SAMD12: variants seen among roughly 807,000 people sequenced by gnomAD.
SAMD12 encodes sterile alpha motif domain containing 12.
SAMD12 carries 9 observed loss-of-function variants against 15.0 expected under a neutral mutation model. The observed-to-expected ratio is 0.60, with a 90% CI of 0.36 to 1.05. The LOEUF is 1.05. Among genes scored for constraint, SAMD12 ranks in the 50% least tolerant of loss-of-function variants. SAMD12 has a pLI of 0.01. For synonymous variants in SAMD12, 86 were observed against 90.1 expected, an observed-to-expected ratio of 0.96 and a Z score of 0.25; for missense variants, 230 against 234.2, an observed-to-expected ratio of 0.98 and a Z score of 0.12.
At chr8:118,455,459 C>T (rs1823218364) in intron 2 of SAMD12, among the ~76,000 whole-genome samples, 2 of 152,176 alleles carry the variant, frequency 1.3e-5, no homozygotes, top group South Asian at 4.1e-4. Flanking sequence ...CTTTGTCCCA[C>T]CTTCCTCTTT....
chr8:118,360,554 A>G (rs1033941554), intron 4 of SAMD12, among the ~76,000 whole-genome samples: 2 of 152,198 alleles, frequency 1.3e-5, no homozygotes, highest in Non-Finnish European at 2.9e-5. Flanking sequence ...AACAAACAAA[A>G]CAAAACACAA....
At chr8:118,325,154 G>C (rs546017409) in intron 4 of SAMD12, among the ~76,000 whole-genome samples, 1 of 152,196 alleles carries the variant, frequency 6.6e-6, no homozygotes, top group South Asian at 2.1e-4. Flanking sequence ...TTAGTCTCGT[G>C]AGCCCAAGCT....
At chr8:118,456,194 C>T (rs1823245270) in intron 2 of SAMD12, among the ~76,000 whole-genome samples, 1 of 152,350 alleles carries the variant, frequency 6.6e-6, no homozygotes, top group African/African-American at 2.4e-5. Context: ...GTTCCTCTAA[C>T]ATATACAGCC....
the SAMD12 span, among the ~76,000 whole-genome samples, chr8:118,144,559 T>C: frequency 6.6e-6 from 1 of 152,026 alleles, no homozygotes; most frequent in African/African-American, 2.4e-5. Context: ...AAAATGAGTT[T>C]TAATTTTATT....
intron 4 of SAMD12, among the ~76,000 whole-genome samples, chr8:118,242,760 G>A (rs1314262058): frequency 6.6e-6 from 1 of 152,040 alleles, no homozygotes; most frequent in Non-Finnish European, 1.5e-5. Context: ...ATTTAAACAG[G>A]TTTCTCTCAA....
chr8:118,571,699 G>A (rs1827015673), intron 2 of SAMD12, among the ~76,000 whole-genome samples: 1 of 152,178 alleles, frequency 6.6e-6, no homozygotes, highest in African/African-American at 2.4e-5. Context: ...GCTTCCATTT[G>A]GTTTAGAGCC....
At chr8:118,139,822 G>C in the SAMD12 span, among the ~76,000 whole-genome samples, 200 of 152,130 alleles carry the variant, frequency 1.3e-3, no homozygotes, top group Non-Finnish European at 2.1e-3. Context: ...CCCATTTTCC[G>C]TTGGCTCTCA....
intron 4 of SAMD12, among the ~76,000 whole-genome samples, chr8:118,280,656 G>A (rs940125100): frequency 6.6e-6 from 1 of 152,114 alleles, no homozygotes; most frequent in Non-Finnish European, 1.5e-5. Flanking sequence ...CAGCAAAAGG[G>A]AAGGAGAAAA....
chr8:118,326,693 A>T (rs1816580348), intron 4 of SAMD12, among the ~76,000 whole-genome samples: 1 of 152,086 alleles, frequency 6.6e-6, no homozygotes, highest in South Asian at 2.1e-4. Context: ...ATCCTGCAGG[A>T]CCCACATATG....
intron 2 of SAMD12, among the ~76,000 whole-genome samples, chr8:118,458,833 T>C (rs1166559879): frequency 1.3e-5 from 2 of 152,340 alleles, no homozygotes; most frequent in African/African-American, 4.8e-5. Flanking sequence ...GTTACTGTTA[T>C]TCGTTCAAAA....
chr8:118,387,204 C>G (rs1820011603), intron 3 of SAMD12, among the ~76,000 whole-genome samples: 1 of 152,124 alleles, frequency 6.6e-6, no homozygotes, highest in Non-Finnish European at 1.5e-5. Context: ...AACAAAGAAA[C>G]AGAGAGGCAA....
At chr8:118,506,595 TA>T (rs1361034434) in intron 2 of SAMD12, among the ~76,000 whole-genome samples, 3 of 151,876 alleles carry the variant, frequency 2.0e-5, no homozygotes, top group Non-Finnish European at 4.4e-5. Context: ...ATAAATGGAT[TA>T]AAAAAAGTAC....
intron 3 of SAMD12, among the ~76,000 whole-genome samples, chr8:118,399,245 T>C (rs942648283): frequency 2.0e-5 from 3 of 150,590 alleles, no homozygotes; most frequent in Admixed American, 6.6e-5. Context: ...TGGAAAAGAA[T>C]GAAAAAGTGT....
chr8:118,358,963 G>A (rs890859028), intron 4 of SAMD12, among the ~76,000 whole-genome samples: 3 of 151,890 alleles, frequency 2.0e-5, no homozygotes, highest in African/African-American at 7.3e-5. Context: ...CACTTAAGTA[G>A]TAGTTATAAT....
At chr8:118,309,880 C>T (rs1333743692) in intron 4 of SAMD12, among the ~76,000 whole-genome samples, 2 of 152,212 alleles carry the variant, frequency 1.3e-5, no homozygotes, top group African/African-American at 4.8e-5. Flanking sequence ...TACTGTGCTC[C>T]TCTCAGCATA....
At chr8:118,549,972 T>C (rs1212251867) in intron 2 of SAMD12, among the ~76,000 whole-genome samples, 2 of 151,926 alleles carry the variant, frequency 1.3e-5, no homozygotes, top group Non-Finnish European at 1.5e-5. Flanking sequence ...AAGGGAAGTT[T>C]AGGGAAAAAA....
At chr8:118,218,924 T>C (rs1812023553) in intron 4 of SAMD12, among the ~76,000 whole-genome samples, 1 of 152,184 alleles carries the variant, frequency 6.6e-6, no homozygotes, top group Non-Finnish European at 1.5e-5. Flanking sequence ...CAAATTTGAA[T>C]AATTACCAAC....
intron 4 of SAMD12, among the ~76,000 whole-genome samples, chr8:118,223,537 AGT>A (rs996054072): frequency 3.9e-4 from 59 of 152,358 alleles, no homozygotes; most frequent in African/African-American, 1.3e-3. Context: ...CAATAATCAC[AGT>A]GACCCTGCCC....
intron 4 of SAMD12, among the ~76,000 whole-genome samples, chr8:118,245,194 A>G (rs1165989692): frequency 6.6e-6 from 1 of 152,164 alleles, no homozygotes; most frequent in Non-Finnish European, 1.5e-5. Context: ...ATGCCAAGGT[A>G]GGCAGATAAT....
Sources: allele counts gnomAD v4.1 joint callset (sites outside exome capture counted in the v4.1 genomes callset), GRCh38; gene constraint gnomAD v4.1.1; transcripts MANE v1.5; gene names NCBI Gene and HGNC (gene_info 2026-07-23, HGNC 2026-07-21).